Variants in STK32C observed in about 807,000 individuals in gnomAD.
The protein encoded by STK32C is serine/threonine-protein kinase 32C.
STK32C carries 31 observed loss-of-function variants against 56.5 expected under a neutral mutation model. The observed-to-expected ratio is 0.55, with a 90% CI of 0.41 to 0.74. STK32C has a LOEUF of 0.74. STK32C is among the 30% of genes least tolerant of loss of function. The pLI is 0.00. For synonymous variants in STK32C, 309 were observed against 289.4 expected (o/e 1.07, Z -0.69); for missense variants, 544 against 676.9 (o/e 0.80, Z 2.18).
chr10:132,288,879 C>A (rs1393911630), intron 1 of STK32C, among the ~76,000 whole-genome samples: 2 of 152,128 alleles, frequency 1.3e-5, no homozygotes. Flanking sequence ...TCCAGCCTCC[C>A]TAAAACTGAG....
At chr10:132,238,614 G>C (rs1455376745) in intron 2 of STK32C, among the ~76,000 whole-genome samples, 1 of 152,166 alleles carries the variant, frequency 6.6e-6, no homozygotes, top group African/African-American at 2.4e-5. Flanking sequence ...GGAAAGCATA[G>C]AGCAGACGGC....
chr10:132,208,232 T>G (rs927295121), intron 11 of STK32C, 81 bp from the exon 12 acceptor site: 3 of 1,269,868 alleles, frequency 2.4e-6, no homozygotes, highest in Non-Finnish European at 2.0e-6. Context: ...CACGGGCTCA[T>G]GGGGTAGGCC....
chr10:132,249,229 G>A (rs2063809763), intron 1 of STK32C: 1 of 361,528 alleles, frequency 2.8e-6, no homozygotes, highest in Non-Finnish European at 5.5e-6. Flanking sequence ...TGCTGGGAGT[G>A]GGGCTGAGGG....
intron 1 of STK32C, among the ~76,000 whole-genome samples, chr10:132,299,785 C>T (rs1401455340): frequency 2.0e-5 from 3 of 152,342 alleles, no homozygotes; most frequent in East Asian, 1.9e-4. Flanking sequence ...CCCCTGGGCA[C>T]GAACAGGACC....
intron 1 of STK32C, among the ~76,000 whole-genome samples, chr10:132,254,342 T>A (rs1590280469): frequency 6.6e-6 from 1 of 152,154 alleles, no homozygotes; most frequent in East Asian, 1.9e-4. Flanking sequence ...AAATAGCCTT[T>A]TCATAAGCCA....
In STK32C at chr10:132,261,012, T is replaced by C. The variant is rs377361503; in HGVS notation, c.263-15057A>G. Among the ~76,000 whole-genome samples, 430 of 151,934 alleles carry C rather than the reference T, an allele frequency of 2.8e-3. 6 individuals carry two copies. Among genetic ancestry groups the C allele is most frequent in the African/African-American group, 9.9e-3 (407 of 41,296 alleles). ...CAGCCCCTGGGGCTGGGGGAAGCTG[T>C]CCGACTGGCATCCCGACCTCCCACA... On this transcript the variant is annotated intron_variant, in intron 1 of 11. Coordinates refer to ENST00000298630, the MANE Select transcript of STK32C (RefSeq NM_173575.4).
At chr10:132,314,805 A>T (rs890444305) in intron 1 of STK32C, among the ~76,000 whole-genome samples, 1 of 152,220 alleles carries the variant, frequency 6.6e-6, no homozygotes, top group Non-Finnish European at 1.5e-5. Flanking sequence ...TGATAAAAGG[A>T]TCAATTATTT....
At chr10:132,222,542 C>T (rs1000322989) in intron 10 of STK32C, 99 bp downstream of exon 10, 27 of 1,452,028 alleles carry the variant, frequency 1.9e-5, no homozygotes, top group East Asian at 4.7e-5. Flanking sequence ...ACTTCCGAGA[C>T]GTGTGCGCTG....
chr10:132,293,863 C>T (rs913405498), intron 1 of STK32C, among the ~76,000 whole-genome samples: 6 of 152,128 alleles, frequency 3.9e-5, no homozygotes, highest in Admixed American at 6.5e-5. Context: ...GCTCCGGGGA[C>T]GCAGAAGGAG....
intron 2 of STK32C, among the ~76,000 whole-genome samples, chr10:132,238,837 C>T (rs895212570): frequency 4.6e-5 from 7 of 151,990 alleles, no homozygotes; most frequent in Admixed American, 6.6e-5. Context: ...TGCACACACA[C>T]GCAACACACA....
Position 132,281,866 on chromosome 10 carries a change from C to T in STK32C, c.262+25706G>A, listed in dbSNP as rs547245864. On this transcript the variant is annotated intron_variant, in intron 1 of 11. Transcript: ENST00000298630. ...TGAGGCCGCGGGGCAACTTCTCTGA[C>T]GATGGCTATTTCAGCCCAACCAGGA... Among the ~76,000 whole-genome samples, 299 of 152,160 alleles carry T rather than the reference C, an allele frequency of 2.0e-3. 4 individuals carry two copies. Among genetic ancestry groups the T allele is most frequent in the Non-Finnish European group, 3.0e-3 (206 of 68,028 alleles).
At chr10:132,331,947 C>A (rs1366476660), upstream of STK32C, 29 of 568,856 alleles carry the variant, frequency 5.1e-5, no homozygotes, top group Admixed American at 2.0e-4. Flanking sequence ...CCCCCCGCCC[C>A]AGCGCAGGCG....
chr10:132,297,168 A>G (rs1447216468), intron 1 of STK32C, among the ~76,000 whole-genome samples: 1 of 152,178 alleles, frequency 6.6e-6, no homozygotes, highest in East Asian at 1.9e-4. Context: ...GCTCTGGGGA[A>G]GGGGCACCAG....
chr10:132,232,863 G>A (rs528380106), intron 2 of STK32C, among the ~76,000 whole-genome samples: 3 of 152,158 alleles, frequency 2.0e-5, no homozygotes, highest in Non-Finnish European at 4.4e-5. Context: ...GGAACAGGCT[G>A]GTGCCTGCAG....
chr10:132,266,487 T>C (rs1468322013), intron 1 of STK32C, among the ~76,000 whole-genome samples: 3 of 152,176 alleles, frequency 2.0e-5, no homozygotes, highest in Non-Finnish European at 4.4e-5. Context: ...TACAAATAAA[T>C]AGATCATCTA....
chr10:132,210,168 A>C (rs1565057968), intron 10 of STK32C, among the ~76,000 whole-genome samples: 1 of 152,230 alleles, frequency 6.6e-6, no homozygotes. Context: ...CGAGACGGAC[A>C]ACAGCATGCT....
At chr10:132,224,623 C>T (rs988845134) in intron 7 of STK32C, 100 bp from the exon 8 acceptor site, 27 of 845,672 alleles carry the variant, frequency 3.2e-5, no homozygotes, top group Non-Finnish European at 4.0e-5. Flanking sequence ...GACCCCCTCC[C>T]CCCACCCCAA....
At chr10:132,270,025 T>A (rs1328114652) in intron 1 of STK32C, among the ~76,000 whole-genome samples, 1 of 152,244 alleles carries the variant, frequency 6.6e-6, no homozygotes, top group African/African-American at 2.4e-5. Flanking sequence ...GTTTACAAGC[T>A]GATGCCTGGT....
At position 132,224,604 on chromosome 10, in the gene STK32C, C is replaced by T. The variant is rs1438063060; in HGVS notation, c.877-81G>A. On this transcript the variant is annotated intron_variant, in intron 7 of 11. Coordinates refer to ENST00000298630, the MANE Select transcript of STK32C (RefSeq NM_173575.4). ...ACAATGCCAGACACAGGTGCCATCG[C>T]CCTGAGAGGACCCCCTCCCCCCACC... 6 of 1,038,780 alleles carry T rather than the reference C, an allele frequency of 5.8e-6. No individual in the cohort carries two copies. The South Asian group carries it at 6.8e-5, about 12-fold the overall frequency. The allele number at this position is 1,038,780 out of a possible 1,614,324, so 64.3% of individuals were successfully genotyped here. A position where few individuals can be genotyped will look rare whatever the true frequency, so the allele number is the denominator to read the frequency against.
Sources: allele counts gnomAD v4.1 joint callset (sites outside exome capture counted in the v4.1 genomes callset), GRCh38; gene constraint gnomAD v4.1.1; transcripts MANE v1.5; gene names NCBI Gene and HGNC (gene_info 2026-07-23, HGNC 2026-07-21).